The following PDE6C variants were observed in gnomAD, a reference collection of about 807,000 sequenced individuals.
PDE6C encodes phosphodiesterase 6C.
In PDE6C, 75 loss-of-function variants were observed where a neutral mutation model predicts 113.1. The observed-to-expected ratio is 0.66, with a 90% CI of 0.55 to 0.80. PDE6C has a LOEUF of 0.80. Ranked by LOEUF, PDE6C falls within the 30% of genes least tolerant of loss-of-function variation. The pLI is 0.00. For missense variants in PDE6C, 912 were observed against 1,038.6 expected (o/e 0.88, Z 1.67); for synonymous variants, 375 against 363.7 (o/e 1.03, Z -0.35).
At chr10:93,644,778 G>A (rs1305320324) in intron 14 of PDE6C, among the ~76,000 whole-genome samples, 3 of 107,494 alleles carry the variant, frequency 2.8e-5, no homozygotes, top group African/African-American at 2.8e-5. Flanking sequence ...AATGTGGTGC[G>A]TGTATATATA....
intron 15 of PDE6C, among the ~76,000 whole-genome samples, chr10:93,654,775 TTTC>T (rs1312833188): frequency 4.1e-5 from 2 of 48,716 alleles, no homozygotes; most frequent in African/African-American, 8.6e-5. Flanking sequence ...TCTTTCTTTC[TTTC>T]TTTCTTTCTT....
chr10:93,620,641 T>A lies in PDE6C; in HGVS notation c.490T>A (p.Phe164Ile). ...TGACTGTCTCTTTCAGAACAGCCAT[T>A]TTTCTGACTTCATGGACAAGCAAAC... ...NVPDVKKNSH[F>I]SDFMDKQTGY... Residue 164 changes from phenylalanine (F) to isoleucine (I), a missense_variant, in exon 2 of 22, where the codon TTT (phenylalanine) becomes ATT (isoleucine). Physicochemically the swap from Phe to Ile is conservative, Grantham distance 21 (BLOSUM62 0). Transcript: ENST00000371447. 6.2e-7 allele frequency: 1 copy of A among 1,614,088 alleles called. No individual in the cohort carries two copies.
chr10:93,641,175 C>G, intron 14 of PDE6C, 146 bp downstream of exon 14: 1 of 630,314 alleles, frequency 1.6e-6, no homozygotes, highest in Non-Finnish European at 2.8e-6. Context: ...TATTCCCTCC[C>G]AAGCTTCCGC....
intron 18 of PDE6C, among the ~76,000 whole-genome samples, chr10:93,659,689 C>T (rs759064783): frequency 7.2e-5 from 11 of 152,152 alleles, no homozygotes; most frequent in East Asian, 3.9e-4. Context: ...TAGAACAGCA[C>T]GGGAAAGATT....
At chr10:93,614,892 T>C (rs2058412981) in intron 1 of PDE6C, among the ~76,000 whole-genome samples, 1 of 152,160 alleles carries the variant, frequency 6.6e-6, no homozygotes, top group Non-Finnish European at 1.5e-5. Flanking sequence ...TGAAGACAGA[T>C]ACGGTTCTGT....
intron 20 of PDE6C, 60 bp downstream of exon 20, chr10:93,662,703 A>C (rs1469531832): frequency 2.4e-5 from 21 of 862,220 alleles, no homozygotes; most frequent in Non-Finnish European, 3.6e-5. Flanking sequence ...ATTTTCTTTC[A>C]AACTGTCACC....
intron 9 of PDE6C, 73 bp from the exon 10 acceptor site, chr10:93,635,424 C>A: frequency 1.8e-6 from 2 of 1,131,488 alleles, no homozygotes; most frequent in South Asian, 1.3e-5. Context: ...GATAGAAAAG[C>A]GTGCAGATTG....
intron 21 of PDE6C, 48 bp downstream of exon 21, chr10:93,663,226 G>C: frequency 1.3e-6 from 2 of 1,585,022 alleles, no homozygotes; most frequent in Non-Finnish European, 1.7e-6. Context: ...CAGAAGCTAG[G>C]CTGAGCTTAA....
chr10:93,622,171 A>G (rs1477049088), intron 4 of PDE6C, 99 bp downstream of exon 4: 1 of 1,185,546 alleles, frequency 8.4e-7, no homozygotes, highest in Non-Finnish European at 1.2e-6. Flanking sequence ...CTATGTAAAT[A>G]ATTAGTCATG....
At chr10:93,658,565 T>G (rs1406611874) in intron 16 of PDE6C, among the ~76,000 whole-genome samples, 1 of 152,096 alleles carries the variant, frequency 6.6e-6, no homozygotes, top group Non-Finnish European at 1.5e-5. Flanking sequence ...CCCACCTTAG[T>G]CTCCCAAAGT....
chr10:93,655,379 C>T (rs566449867), intron 15 of PDE6C, among the ~76,000 whole-genome samples: 74 of 152,152 alleles, frequency 4.9e-4, no homozygotes, highest in African/African-American at 1.8e-3. Context: ...AGTTGGACTT[C>T]TCCCAGAAAT....
intron 16 of PDE6C, among the ~76,000 whole-genome samples, chr10:93,658,669 CCTCT>C (rs56029704): frequency 5.2e-4 from 74 of 143,488 alleles, no homozygotes; most frequent in African/African-American, 5.9e-4. Context: ...TTTGTTTTTC[CCTCT>C]CTCTCTCTCT....
intron 10 of PDE6C, among the ~76,000 whole-genome samples, chr10:93,636,584 C>T (rs933871838): frequency 1.3e-5 from 2 of 151,628 alleles, no homozygotes; most frequent in African/African-American, 2.4e-5. Flanking sequence ...TTTTTTCTTT[C>T]CTACATGCAA....
At chr10:93,662,876 G>A (rs962369962) in intron 20 of PDE6C, 152 bp from the exon 21 acceptor site, 19 of 720,174 alleles carry the variant, frequency 2.6e-5, no homozygotes, top group Non-Finnish European at 4.1e-5. Flanking sequence ...GACAGCACGT[G>A]TCTCTTTCCC....
chr10:93,616,203 A>G (rs2058418730), intron 1 of PDE6C, among the ~76,000 whole-genome samples: 1 of 152,196 alleles, frequency 6.6e-6, no homozygotes, highest in African/African-American at 2.4e-5. Context: ...CTGGGGCAAT[A>G]ACTCAGGTCT....
intron 4 of PDE6C, among the ~76,000 whole-genome samples, chr10:93,625,353 C>G (rs1173488865): frequency 6.6e-6 from 1 of 152,154 alleles, no homozygotes; most frequent in Non-Finnish European, 1.5e-5. Context: ...TTCTTTAGTA[C>G]AAATTCTATT....
rs1360809500 is a variant in PDE6C, at chr10:93,629,321, G to A, written c.1119+16G>A. On this transcript the variant is annotated intron_variant, in intron 8 of 21. Coordinates refer to ENST00000371447, the MANE Select transcript of PDE6C (RefSeq NM_006204.4). ...CACATTTCAGGTAACTGCACTCTGG[G>A]TCAGACCTCACCTCTTGGGGCTGGG... 6.3e-7 allele frequency: 1 copy of A among 1,591,922 alleles called. No homozygotes were observed.
intron 4 of PDE6C, 30 bp downstream of exon 4, chr10:93,622,102 T>C: frequency 6.2e-7 from 1 of 1,608,302 alleles, no homozygotes; most frequent in Non-Finnish European, 8.5e-7. Flanking sequence ...TTTTGTCTCA[T>C]CTCACATCGC....
chr10:93,627,522 A>C (rs1197879568), intron 7 of PDE6C, among the ~76,000 whole-genome samples: 1 of 152,170 alleles, frequency 6.6e-6, no homozygotes, highest in Non-Finnish European at 1.5e-5. Flanking sequence ...TCAATTTTTT[A>C]AAGCATAAAT....
Sources: allele counts gnomAD v4.1 joint callset (sites outside exome capture counted in the v4.1 genomes callset), GRCh38; gene constraint gnomAD v4.1.1; transcripts MANE v1.5; gene names NCBI Gene and HGNC (gene_info 2026-07-23, HGNC 2026-07-21).